The following RMDN2 variants were observed in gnomAD, a reference collection of about 807,000 sequenced individuals.
RMDN2 encodes regulator of microtubule dynamics protein 2.
RMDN2 carries 61 observed loss-of-function variants against 52.8 expected under a neutral mutation model. The ratio of observed to expected loss-of-function variants is 1.16; its 90% CI spans 0.94 to 1.43. RMDN2 has a LOEUF of 1.43. RMDN2 is among the 40% of genes most tolerant of loss of function. The pLI is 0.00. For missense variants in RMDN2, 592 were observed against 475.3 expected (o/e 1.25, Z -2.28); for synonymous variants, 180 against 153.1 (o/e 1.18, Z -1.30).
chr2:37,990,391 C>T lies in RMDN2; in HGVS notation c.867+775C>T, dbSNP rs188573839. Reference sequence around the variant, plus strand: ...AAAATTAGCCAGGCATGGTGGCGGGCGCCTGTAATCCCAGCTACTTGGGAG... The same window carrying T: ...AAAATTAGCCAGGCATGGTGGCGGGTGCCTGTAATCCCAGCTACTTGGGAG... On this transcript the variant is annotated intron_variant, in intron 6 of 10. Transcript: ENST00000354545. Among the ~76,000 whole-genome samples, 158 of 150,770 alleles carry T rather than the reference C, an allele frequency of 1.0e-3. 2 individuals carry two copies. The South Asian group carries it at 0.026, about 25-fold the overall frequency.
rs761582286 is a variant in RMDN2 at position 38,004,203 on chromosome 2, C to G, written c.1166C>G (p.Thr389Ser). The change falls in exon 10 of 11, where the codon ACT becomes AGT. Residue 389 changes from threonine (T) to serine (S), a missense_variant. Physicochemically the swap from Thr to Ser is moderately conservative, Grantham distance 58. Coordinates refer to ENST00000354545, the MANE Select transcript of RMDN2 (RefSeq NM_001170791.3). The stretch of plus-strand genomic sequence containing the variant: ...TGTAATTTGGCTTTATTGCTTCCTA[C>G]TGTTACCAAAGAGGTAAGTCCAGAA... ...KFCNLALLLPTVTKEDKEAQK... is the reference protein window; with the variant it reads ...KFCNLALLLPSVTKEDKEAQK... The G allele has an allele frequency of 5.6e-6, 9 of 1,613,164 alleles. No individual in the cohort carries two copies. In the South Asian group the frequency reaches 8.8e-5, roughly 16 times the overall value.
At chr2:37,941,022 C>T (rs887027069) in intron 2 of RMDN2, among the ~76,000 whole-genome samples, 6 of 152,166 alleles carry the variant, frequency 3.9e-5, no homozygotes, top group Admixed American at 1.3e-4. Flanking sequence ...TCCTCATCTT[C>T]GTGTATTTAT....
chr2:37,969,677 T>G (rs1671537197), intron 2 of RMDN2, among the ~76,000 whole-genome samples: 1 of 152,064 alleles, frequency 6.6e-6, no homozygotes, highest in South Asian at 2.1e-4. Flanking sequence ...CTTTTAATAT[T>G]GTGCCAAAAA....
intron 10 of RMDN2, chr2:38,027,303 AG>A (rs1196051978): frequency 6.6e-6 from 1 of 152,158 alleles, no homozygotes; most frequent in Non-Finnish European, 1.5e-5. Flanking sequence ...CCCATCTCTC[AG>A]GGGTTGCTGT....
chr2:38,056,849 A>C (rs1412294661), intron 10 of RMDN2, among the ~76,000 whole-genome samples: 2 of 152,198 alleles, frequency 1.3e-5, no homozygotes, highest in Non-Finnish European at 2.9e-5. Context: ...ATGTTATTAC[A>C]CTGTGTGGGT....
intron 10 of RMDN2, among the ~76,000 whole-genome samples, chr2:38,044,764 C>T (rs531845326): frequency 2.0e-5 from 3 of 152,000 alleles, no homozygotes; most frequent in Non-Finnish European, 4.4e-5. Context: ...GTTTCCAGCT[C>T]TCTGATTATA....
chr2:37,973,586 G>A (rs1672074894), intron 2 of RMDN2, among the ~76,000 whole-genome samples: 1 of 152,152 alleles, frequency 6.6e-6, no homozygotes, highest in African/African-American at 2.4e-5. Flanking sequence ...GCATTATGAG[G>A]GAGGTTAGAG....
intron 10 of RMDN2, among the ~76,000 whole-genome samples, chr2:38,013,366 G>C (rs543135088): frequency 6.6e-6 from 1 of 152,328 alleles, no homozygotes; most frequent in East Asian, 1.9e-4. Context: ...GAAACATTTT[G>C]AAATGGCATT....
downstream of RMDN2, among the ~76,000 whole-genome samples, chr2:38,021,329 G>C (rs1679358139): frequency 6.6e-6 from 1 of 152,142 alleles, no homozygotes; most frequent in East Asian, 1.9e-4. Context: ...ATGTGGGTGG[G>C]GCCAGAGAAG....
At chr2:38,009,171 C>G (rs1365188160) in intron 10 of RMDN2, among the ~76,000 whole-genome samples, 1 of 152,176 alleles carries the variant, frequency 6.6e-6, no homozygotes, top group Non-Finnish European at 1.5e-5. Context: ...GTGAATCTGA[C>G]AATTACATGT....
In RMDN2 at chr2:38,049,973, T is replaced by C. The variant is rs80145909; in HGVS notation, c.1714-17009T>C. 7.0e-4 allele frequency among the ~76,000 whole-genome samples: 107 copies of C among 152,338 alleles called. 1 individual carries two copies. The East Asian group carries it at 0.019, about 27-fold the overall frequency. On this transcript the variant is annotated intron_variant, in intron 10 of 10. Transcript: ENST00000234195. ...TGCTGCATGCTTACTTTATTGTAAGTACTGTGCTTAAGCTAATAGCATGTG... is the reference window on the plus strand; with the variant it reads ...TGCTGCATGCTTACTTTATTGTAAGCACTGTGCTTAAGCTAATAGCATGTG...
chr2:37,973,235 GTTGT>G (rs1672031462), intron 2 of RMDN2, among the ~76,000 whole-genome samples: 3 of 152,166 alleles, frequency 2.0e-5, no homozygotes, highest in African/African-American at 7.2e-5. Context: ...ATAAAAATAA[GTTGT>G]TTGTATTGTT....
intron 2 of RMDN2, among the ~76,000 whole-genome samples, chr2:37,953,289 T>A (rs535087162): frequency 7.2e-5 from 11 of 152,136 alleles, no homozygotes; most frequent in Admixed American, 2.0e-4. Context: ...ACCATCCGTT[T>A]CCACAACTCT....
At chr2:38,020,462 G>T (rs184635970), downstream of RMDN2, among the ~76,000 whole-genome samples, 209 of 152,352 alleles carry the variant, frequency 1.4e-3, 1 homozygote, top group African/African-American at 4.9e-3. Context: ...GCCCCTTCCT[G>T]AGCTGGCCAA....
In RMDN2 at chr2:37,997,460, G is replaced by A. The variant is rs760876836; in HGVS notation, c.990G>A (p.Leu330=). The A allele has an allele frequency of 6.8e-6, 11 of 1,613,794 alleles. No individual in the cohort carries two copies. In the Admixed American group the frequency reaches 8.3e-5, roughly 12 times the overall value. Reference sequence around the variant, plus strand: ...TTGAGAAAAAAATGGCTGCTACTCTGTTTGGAAAAATACCATCTTCAACTG... The same window carrying A: ...TTGAGAAAAAAATGGCTGCTACTCTATTTGGAAAAATACCATCTTCAACTG... ...SWIEKKMAAT[L]FGKIPSSTVQ... is the part of the protein sequence containing the mutation. The change falls in exon 8 of 11, where the codon CTG becomes CTA. Residue 330 remains leucine (L), a synonymous_variant. Transcript: ENST00000354545.
chr2:37,993,025 T>C (rs1468167300), intron 7 of RMDN2, among the ~76,000 whole-genome samples: 1 of 152,124 alleles, frequency 6.6e-6, no homozygotes, highest in Non-Finnish European at 1.5e-5. Context: ...AGTGATTCTC[T>C]TGACTCAGCC....
downstream of RMDN2, among the ~76,000 whole-genome samples, chr2:38,021,731 C>T (rs1679395228): frequency 6.6e-6 from 1 of 152,170 alleles, no homozygotes; most frequent in Admixed American, 6.5e-5. Context: ...GTAGGGTTGG[C>T]CGTACAAATC....
At chr2:37,939,045 TTCCC>T (rs915551702) in intron 2 of RMDN2, among the ~76,000 whole-genome samples, 36 of 152,362 alleles carry the variant, frequency 2.4e-4, no homozygotes, top group African/African-American at 8.4e-4. Flanking sequence ...TGCTATAAAT[TTCCC>T]TCTAATCACT....
chr2:38,024,514 AT>A (rs1679630131), intron 10 of RMDN2, among the ~76,000 whole-genome samples: 1 of 151,850 alleles, frequency 6.6e-6, no homozygotes, highest in East Asian at 1.9e-4. Flanking sequence ...TTTAATTTGT[AT>A]TTTTCTAATG....
Sources: allele counts gnomAD v4.1 joint callset (sites outside exome capture counted in the v4.1 genomes callset), GRCh38; gene constraint gnomAD v4.1.1; transcripts MANE v1.5; gene names NCBI Gene and HGNC (gene_info 2026-07-23, HGNC 2026-07-21).